FER: variants seen among roughly 807,000 people sequenced by gnomAD.
FER encodes the protein FER tyrosine kinase, also known as tyrosine-protein kinase Fer.
A neutral mutation model predicts 111.0 loss-of-function variants in FER; 63 were observed. That is an observed-to-expected ratio of 0.57 (90% CI 0.46 to 0.70). The LOEUF is 0.70. Among genes scored for constraint, FER ranks in the 30% least tolerant of loss-of-function variants. The probability of loss-of-function intolerance (pLI) is 0.00; values close to 1 mark genes in which losing one functional copy is unlikely to be tolerated. For synonymous variants in FER, 327 were observed against 313.9 expected, an observed-to-expected ratio of 1.04 and a Z score of -0.44; for missense variants, 914 against 954.0, an observed-to-expected ratio of 0.96 and a Z score of 0.55.
intron 16 of FER, among the ~76,000 whole-genome samples, chr5:109,052,859 G>C (rs1486117772): frequency 5.9e-5 from 9 of 152,118 alleles, no homozygotes; most frequent in Non-Finnish European, 8.8e-5. Context: ...TTTCCTAAAG[G>C]CTGTTTGCAG....
rs546298394 is a variant in FER at position 108,778,020 on chromosome 5, T to C, written c.-60+9782T>C. Among the ~76,000 whole-genome samples the C allele has an allele frequency of 3.3e-5, 5 of 152,324 alleles. No individual in the cohort carries two copies. In the South Asian group the frequency reaches 1.0e-3, roughly 32 times the overall value. ...ATCAACTGTCTTCATAGTATTGCTT[T>C]TTTCAGAATGTCATATAGGTATAAT... On this transcript the variant is annotated intron_variant, in intron 2 of 19. Transcript: ENST00000281092.
intron 17 of FER, among the ~76,000 whole-genome samples, chr5:109,168,086 C>T (rs907005724): frequency 6.6e-6 from 1 of 152,094 alleles, no homozygotes; most frequent in Non-Finnish European, 1.5e-5. Context: ...ACCTGAGTGG[C>T]CTCACTTTAG....
intron 17 of FER, among the ~76,000 whole-genome samples, chr5:109,134,036 A>G (rs77688188): frequency 0.022 from 3,376 of 152,218 alleles, 87 homozygotes; most frequent in African/African-American, 0.064. Context: ...TAGATAAATA[A>G]TTTTTCTATT....
intron 17 of FER, among the ~76,000 whole-genome samples, chr5:109,166,884 G>A (rs893790889): frequency 1.3e-5 from 2 of 152,128 alleles, no homozygotes; most frequent in Non-Finnish European, 1.5e-5. Context: ...GTTGGAAGCT[G>A]CAAGGTCTCT....
chr5:109,009,513 A>G (rs1363989969), intron 13 of FER, among the ~76,000 whole-genome samples: 1 of 152,186 alleles, frequency 6.6e-6, no homozygotes, highest in Non-Finnish European at 1.5e-5. Context: ...CATTACTAGC[A>G]TTAATCATCT....
chr5:109,005,887 C>T (rs919978417), intron 13 of FER, among the ~76,000 whole-genome samples: 30 of 152,200 alleles, frequency 2.0e-4, no homozygotes, highest in African/African-American at 7.0e-4. Context: ...ATATTGTTTT[C>T]ACTCAACCAG....
At chr5:108,878,045 A>G (rs769936198) in intron 8 of FER, among the ~76,000 whole-genome samples, 69 of 151,996 alleles carry the variant, frequency 4.5e-4, no homozygotes, top group Non-Finnish European at 7.9e-4. Context: ...AATTGGAACT[A>G]CGGGTGTGCA....
At chr5:108,879,693 TAAAAAA>T (rs59305064) in intron 8 of FER, among the ~76,000 whole-genome samples, 12 of 116,660 alleles carry the variant, frequency 1.0e-4, no homozygotes, top group African/African-American at 4.2e-4. Context: ...TTTTTTAGAT[TAAAAAA>T]AAATATATAT....
At chr5:109,108,445 CTTG>C (rs1271813322) in intron 17 of FER, among the ~76,000 whole-genome samples, 1 of 152,054 alleles carries the variant, frequency 6.6e-6, no homozygotes, top group African/African-American at 2.4e-5. Flanking sequence ...TAGAGAAAGC[CTTG>C]TTGTAGGGAG....
Position 108,753,382 on chromosome 5 carries a change from CTT to C in FER, c.-206+5383_-206+5384del, listed in dbSNP as rs200968407. Among the ~76,000 whole-genome samples, 117 of 152,010 alleles carry C rather than the reference CTT, an allele frequency of 7.7e-4. 1 individual carries two copies. Among genetic ancestry groups the C allele is most frequent in the Admixed American group, 5.5e-3 (84 of 15,280 alleles). The stretch of plus-strand genomic sequence containing the variant: ...CAGATTAGCTGTTCTTTTTATAAAT[CTT>C]AGCTTATTGTATCTCAGCAGGGATA... On this transcript the variant is annotated intron_variant, in intron 1 of 19. Coordinates refer to ENST00000281092, the MANE Select transcript of FER (RefSeq NM_005246.4).
chr5:109,047,083 G>C (rs528065795), intron 15 of FER, 21 bp from the exon 16 acceptor site: 3 of 1,254,632 alleles, frequency 2.4e-6, no homozygotes, highest in Middle Eastern at 1.9e-4. Context: ...ATAACTATTC[G>C]TATATTTTCA....
rs193118758 is a variant in FER at position 108,749,910 on chromosome 5, T to C, written c.-206+1910T>C. On this transcript the variant is annotated intron_variant, in intron 1 of 19. Coordinates refer to ENST00000281092, the MANE Select transcript of FER (RefSeq NM_005246.4). ...GGATTGTACTATGAGGTGGGCACTT[T>C]GTACGTTTGCGATTTTGCCATCCAC... Among the ~76,000 whole-genome samples the C allele has an allele frequency of 8.5e-5, 13 of 152,366 alleles. No homozygotes were observed. The East Asian group carries it at 1.9e-3, about 23-fold the overall frequency.
chr5:109,148,452 C>A (rs1754475437), intron 17 of FER, among the ~76,000 whole-genome samples: 2 of 152,076 alleles, frequency 1.3e-5, no homozygotes, highest in South Asian at 4.1e-4. Flanking sequence ...AGGAAAGGGA[C>A]AAGATTCTTA....
intron 5 of FER, among the ~76,000 whole-genome samples, chr5:108,848,000 G>C (rs1762185031): frequency 6.6e-6 from 1 of 152,058 alleles, no homozygotes; most frequent in Admixed American, 6.5e-5. Flanking sequence ...TAATCCTCCT[G>C]TCTCAGCCAA....
chr5:108,771,438 A>G (rs1407925540), intron 2 of FER, among the ~76,000 whole-genome samples: 1 of 152,186 alleles, frequency 6.6e-6, no homozygotes, highest in East Asian at 1.9e-4. Flanking sequence ...TAACTGAAAA[A>G]TGCCTTGGAG....
At chr5:109,030,297 A>T (rs1245380896) in intron 13 of FER, among the ~76,000 whole-genome samples, 1 of 152,166 alleles carries the variant, frequency 6.6e-6, no homozygotes. Context: ...TTCCAACATC[A>T]GATCCATCCC....
intron 4 of FER, among the ~76,000 whole-genome samples, chr5:108,834,542 A>C (rs1003900363): frequency 1.3e-4 from 20 of 152,200 alleles, no homozygotes; most frequent in South Asian, 2.1e-4. Context: ...TACTAAAAAT[A>C]CAAAAATTAG....
At chr5:108,883,322 T>C in intron 8 of FER, 74 bp from the exon 9 acceptor site, 4 of 1,384,492 alleles carry the variant, frequency 2.9e-6, no homozygotes, top group Non-Finnish European at 3.9e-6. Context: ...ACATAAGATG[T>C]ATGAATACTT....
chr5:109,040,631 G>C (rs1771035918), intron 14 of FER, among the ~76,000 whole-genome samples: 1 of 152,150 alleles, frequency 6.6e-6, no homozygotes, highest in Non-Finnish European at 1.5e-5. Flanking sequence ...ATTAGCGATA[G>C]CAAAGATGTA....
Sources: allele counts gnomAD v4.1 joint callset (sites outside exome capture counted in the v4.1 genomes callset), GRCh38; gene constraint gnomAD v4.1.1; transcripts MANE v1.5; gene names NCBI Gene and HGNC (gene_info 2026-07-23, HGNC 2026-07-21).